The following EPHA6 variants were observed in gnomAD, a reference collection of about 807,000 sequenced individuals.
EPHA6 encodes the protein EPH receptor A6, also known as ephrin type-A receptor 6.
Under a neutral mutation model 112.0 loss-of-function variants are expected in EPHA6, and 50 were observed. The observed-to-expected ratio is 0.45, with a 90% CI of 0.36 to 0.56. The LOEUF (loss-of-function observed/expected upper bound fraction) is 0.56. Ranked by LOEUF, EPHA6 falls within the 20% of genes least tolerant of loss-of-function variation. The pLI is 0.00. For synonymous variants in EPHA6, 529 were observed against 490.7 expected (o/e 1.08, Z -1.03); for missense variants, 1,280 against 1,417.4 (o/e 0.90, Z 1.56).
rs530910022 is a variant in EPHA6, at chr3:97,477,814, C to A, written c.2004-1480C>A. On this transcript the variant is annotated intron_variant, in intron 8 of 17. Coordinates refer to ENST00000389672, the MANE Select transcript of EPHA6 (RefSeq NM_001080448.3). ...CATGAAGGACAATCTGCTTTGGAGCCCAGAAAGTTTATTTAGTTTTTAAAG... is the reference window on the plus strand; with the variant it reads ...CATGAAGGACAATCTGCTTTGGAGCACAGAAAGTTTATTTAGTTTTTAAAG... 9.8e-3 allele frequency among the ~76,000 whole-genome samples: 1,435 copies of A among 146,644 alleles called. 23 individuals carry two copies. The highest frequency in any genetic ancestry group is 0.036 in the African/African-American group (1,374 of 37,770).
chr3:97,125,578 A>G (rs1466603616), intron 3 of EPHA6, among the ~76,000 whole-genome samples: 1 of 152,186 alleles, frequency 6.6e-6, no homozygotes, highest in African/African-American at 2.4e-5. Context: ...CAATTAAAGC[A>G]GATTATTTTT....
chr3:96,964,976 A>T (rs2042073041), intron 2 of EPHA6, among the ~76,000 whole-genome samples: 1 of 152,112 alleles, frequency 6.6e-6, no homozygotes, highest in Non-Finnish European at 1.5e-5. Context: ...ATTCAGAGAG[A>T]CTCCAGGGAT....
At chr3:97,501,921 A>C (rs150173100) in intron 10 of EPHA6, among the ~76,000 whole-genome samples, 1 of 152,000 alleles carries the variant, frequency 6.6e-6, no homozygotes, top group African/African-American at 2.4e-5. Context: ...GGCTGAAGAA[A>C]GAGGCTGGCA....
chr3:96,829,949 GCACACACACACACACACA>G (rs67227502), intron 1 of EPHA6, among the ~76,000 whole-genome samples: 1 of 136,074 alleles, frequency 7.3e-6, no homozygotes, highest in African/African-American at 3.0e-5. Flanking sequence ...GCGCGCGCGC[GCACACACACACACACACA>G]CACACACACA....
chr3:97,269,097 G>C (rs1013341263), intron 5 of EPHA6, among the ~76,000 whole-genome samples: 12 of 152,148 alleles, frequency 7.9e-5, no homozygotes, highest in African/African-American at 2.9e-4. Flanking sequence ...GACAGCTAGT[G>C]ACCCGGGGAG....
At chr3:97,061,185 T>G (rs1470056161) in intron 3 of EPHA6, among the ~76,000 whole-genome samples, 1 of 152,024 alleles carries the variant, frequency 6.6e-6, no homozygotes, top group Non-Finnish European at 1.5e-5. Context: ...GTATATAGAT[T>G]TTATGAGAGG....
chr3:97,093,459 A>G (rs977042391), intron 3 of EPHA6, among the ~76,000 whole-genome samples: 1 of 152,124 alleles, frequency 6.6e-6, no homozygotes, highest in Non-Finnish European at 1.5e-5. Flanking sequence ...CTGAGGCATG[A>G]GAATTGCTTG....
chr3:97,670,845 T>A (rs955753519), intron 14 of EPHA6, among the ~76,000 whole-genome samples: 1 of 152,216 alleles, frequency 6.6e-6, no homozygotes, highest in African/African-American at 2.4e-5. Context: ...GATATTGTGT[T>A]AGCTTCTCTA....
intron 11 of EPHA6, among the ~76,000 whole-genome samples, chr3:97,548,489 A>G (rs2092988136): frequency 6.6e-6 from 1 of 152,080 alleles, no homozygotes; most frequent in Non-Finnish European, 1.5e-5. Context: ...ACTTTTGTGC[A>G]CTAATTTTAT....
At chr3:97,136,858 A>G (rs1009376479) in intron 3 of EPHA6, among the ~76,000 whole-genome samples, 9 of 152,212 alleles carry the variant, frequency 5.9e-5, no homozygotes, top group African/African-American at 2.2e-4. Context: ...AAATTTTAAC[A>G]CCAATATTTC....
chr3:97,439,842 G>A (rs1042120682), intron 6 of EPHA6, among the ~76,000 whole-genome samples: 2 of 152,116 alleles, frequency 1.3e-5, no homozygotes, highest in Non-Finnish European at 2.9e-5. Context: ...GAATCAGTGT[G>A]AGCTGAAAGG....
rs556460346 is a variant in EPHA6 at position 97,493,025 on chromosome 3, T to A, written c.2200+8966T>A. The stretch of plus-strand genomic sequence containing the variant: ...TGTAACTCTAGCCCTGCTTTTTGGC[T>A]ATGAATAATGGCTAGTGACTTTTTA... On this transcript the variant is annotated intron_variant, in intron 10 of 17. Transcript: ENST00000389672. Among the ~76,000 whole-genome samples the A allele has an allele frequency of 1.5e-3, 228 of 151,858 alleles. 1 individual carries two copies. Among genetic ancestry groups the A allele is most frequent in the African/African-American group, 5.0e-3 (207 of 41,420 alleles).
intron 5 of EPHA6, among the ~76,000 whole-genome samples, chr3:97,295,700 G>A (rs1372295588): frequency 6.6e-6 from 1 of 151,882 alleles, no homozygotes; most frequent in Non-Finnish European, 1.5e-5. Context: ...GCTTTCATAT[G>A]AGAAGACTTT....
intron 14 of EPHA6, among the ~76,000 whole-genome samples, chr3:97,694,838 CATAG>C (rs2032926011): frequency 6.6e-6 from 1 of 152,212 alleles, no homozygotes; most frequent in South Asian, 2.1e-4. Flanking sequence ...ATAACCAAGA[CATAG>C]ATAGTTGTTG....
At chr3:96,890,759 G>T (rs1300026619) in intron 2 of EPHA6, among the ~76,000 whole-genome samples, 1 of 152,168 alleles carries the variant, frequency 6.6e-6, no homozygotes, top group Non-Finnish European at 1.5e-5. Context: ...ACTACTTTGG[G>T]AAACTATTTG....
At chr3:97,194,935 G>C (rs1424073676) in intron 3 of EPHA6, among the ~76,000 whole-genome samples, 4 of 151,876 alleles carry the variant, frequency 2.6e-5, no homozygotes, top group African/African-American at 7.2e-5. Context: ...TTTATTTTCA[G>C]TCTATGTGTG....
chr3:97,652,030 A>C (rs751166250), intron 14 of EPHA6, among the ~76,000 whole-genome samples: 4 of 151,872 alleles, frequency 2.6e-5, no homozygotes, highest in Non-Finnish European at 5.9e-5. Context: ...CCGAGTGTCT[A>C]TTCTTCCTTT....
At chr3:97,376,325 C>G (rs2085350538) in intron 5 of EPHA6, among the ~76,000 whole-genome samples, 6 of 151,978 alleles carry the variant, frequency 3.9e-5, no homozygotes, top group Admixed American at 3.9e-4. Context: ...GGTAAATTGA[C>G]CTATATGTGG....
chr3:96,914,010 A>T (rs558795885), intron 2 of EPHA6, among the ~76,000 whole-genome samples: 1 of 152,140 alleles, frequency 6.6e-6, no homozygotes, highest in Non-Finnish European at 1.5e-5. Context: ...ATGATCAACA[A>T]TGTTAAATAT....
Sources: gnomAD v4.1 joint callset for allele counts (sites outside exome capture counted in the v4.1 genomes callset) on GRCh38, gnomAD v4.1.1 for gene constraint, MANE v1.5 for transcripts, NCBI Gene and HGNC (gene_info 2026-07-23, HGNC 2026-07-21) for gene names.